Variants in VWF observed in about 807,000 individuals in gnomAD.
The protein encoded by VWF is von Willebrand factor.
VWF carries 176 observed loss-of-function variants against 308.6 expected under a neutral mutation model. The observed-to-expected ratio is 0.57, with a 90% CI of 0.50 to 0.65. VWF has a LOEUF of 0.65. Among genes scored for constraint, VWF ranks in the 30% least tolerant of loss-of-function variants. The pLI is 0.00. For missense variants in VWF, 3,146 were observed against 3,648.2 expected, an observed-to-expected ratio of 0.86 and a Z score of 3.55; for synonymous variants, 1,385 against 1,443.4, an observed-to-expected ratio of 0.96 and a Z score of 0.92.
rs78170656 is a variant in VWF, at chr12:6,068,357, C to T, written c.1156+2940G>A. On this transcript the variant is annotated intron_variant, in intron 10 of 51. Transcript: ENST00000261405. ...CCCACAACCCTCTACCTCCCAAAGC[C>T]TTCCCTGCAGAAATGCCCAACCCAC... Among the ~76,000 whole-genome samples the T allele has an allele frequency of 2.0e-3, 304 of 152,296 alleles. 3 individuals carry two copies. The East Asian group carries it at 0.032, about 16-fold the overall frequency.
rs531931988 is a variant in VWF at position 6,103,476 on chromosome 12, G to A, written c.532+6898C>T. Among the ~76,000 whole-genome samples, 49 of 122,250 alleles carry A rather than the reference G, an allele frequency of 4.0e-4. 3 individuals are homozygous for A. Among genetic ancestry groups the A allele is most frequent in the African/African-American group, 1.2e-3 (30 of 25,924 alleles). The allele number at this position is 122,250 out of a possible 152,430, so 80.2% of individuals were successfully genotyped here. A position where few individuals can be genotyped will look rare whatever the true frequency, so the allele number is the denominator to read the frequency against. ...TATATGTGTATATACACATATGTGT[G>A]TATATACATATATGTGTATACACAC... On this transcript the variant is annotated intron_variant, in intron 5 of 51. Transcript: ENST00000261405.
chr12:5,960,104 C>A (rs1943296459), intron 47 of VWF, among the ~76,000 whole-genome samples: 1 of 147,458 alleles, frequency 6.8e-6, no homozygotes, highest in African/African-American at 2.5e-5. Context: ...ACAAATTAGT[C>A]AAAATAAGAA....
chr12:5,956,688 G>C (rs923567429), intron 47 of VWF, among the ~76,000 whole-genome samples: 1 of 150,904 alleles, frequency 6.6e-6, no homozygotes, highest in Non-Finnish European at 1.5e-5. Context: ...TCAAAAATAG[G>C]AAAAAGCTTT....
rs919598258 is a variant in VWF at position 6,034,736 on chromosome 12, G to A, written c.2637C>T (p.Asp879=). 7.4e-6 allele frequency: 12 copies of A among 1,614,052 alleles called. No homozygotes were observed. Among genetic ancestry groups the A allele is most frequent in the East Asian group, 2.2e-5 (1 of 44,892 alleles). Reference sequence around the variant, plus strand: ...CCCCGGGGAACAGGTATTTGAGCCCGTCGAAGGTGAGGTAGTGGGCCATGC... The same window carrying A: ...CCCCGGGGAACAGGTATTTGAGCCCATCGAAGGTGAGGTAGTGGGCCATGC... ...TIGMAHYLTF[D]GLKYLFPGEC... is the part of the protein sequence containing the mutation. Residue 879 remains aspartate, a synonymous_variant, in exon 20 of 52, where the codon GAC becomes GAT. Transcript: ENST00000261405.
chr12:6,094,674 C>CTTTA (rs1317830950), intron 6 of VWF, among the ~76,000 whole-genome samples: 2 of 152,010 alleles, frequency 1.3e-5, no homozygotes, highest in African/African-American at 2.4e-5. Context: ...GATTAGTGCT[C>CTTTA]TGATAAAAGA....
At chr12:6,051,752 G>T (rs1478455514) in intron 16 of VWF, among the ~76,000 whole-genome samples, 1 of 152,118 alleles carries the variant, frequency 6.6e-6, no homozygotes, top group African/African-American at 2.4e-5. Flanking sequence ...TGGGTCTACA[G>T]GTATGCACCA....
Position 6,063,889 on chromosome 12 carries a change from G to A in VWF, c.1432+357C>T, listed in dbSNP as rs2136461591. 6.6e-6 allele frequency among the ~76,000 whole-genome samples: 1 copy of A among 152,050 alleles called. No individual in the cohort carries two copies. Among genetic ancestry groups the A allele is most frequent in the East Asian group, 1.9e-4 (1 of 5,174 alleles). ...CCCCGATCTCTCAGCATCAGCCTCT[G>A]CCCCTGTCCCACCCCAGAGCAAACC... is the stretch of plus-strand genomic sequence containing the variant. On this transcript the variant is annotated intron_variant, in intron 12 of 51. Coordinates refer to ENST00000261405, the MANE Select transcript of VWF (RefSeq NM_000552.5). This position sits in a 1 kb window ranked among gnomAD's most constrained non-coding sequence, Gnocchi z 4.9.
intron 8 of VWF, among the ~76,000 whole-genome samples, chr12:6,072,739 C>T (rs1944795273): frequency 6.6e-6 from 1 of 152,176 alleles, no homozygotes; most frequent in Non-Finnish European, 1.5e-5. Context: ...GCTTCCCTTA[C>T]ACATTAATGC....
At chr12:6,051,653 G>A (rs371482113) in intron 16 of VWF, among the ~76,000 whole-genome samples, 7 of 152,110 alleles carry the variant, frequency 4.6e-5, no homozygotes, top group South Asian at 2.1e-4. Context: ...TCTGTCGCCC[G>A]GGCTAGAATG....
chr12:5,985,029 C>A lies in VWF; in HGVS notation c.6976+16G>T. The stretch of plus-strand genomic sequence containing the variant: ...AGGGTTGGGCCCTGGAGACATCCCC[C>A]TGGTGGGACACATACCACACTCATA... On this transcript the variant is annotated intron_variant, in intron 40 of 51. Coordinates refer to ENST00000261405, the MANE Select transcript of VWF (RefSeq NM_000552.5). 1 of 1,613,986 alleles carries A rather than the reference C, an allele frequency of 6.2e-7. No homozygotes were observed. The highest frequency in any genetic ancestry group is 8.5e-7 in the Non-Finnish European group (1 of 1,179,836).
At chr12:6,016,688 G>C (rs772274770) in intron 29 of VWF, 32 bp from the exon 30 acceptor site, 1 of 1,614,228 alleles carries the variant, frequency 6.2e-7, no homozygotes, top group South Asian at 1.1e-5. Context: ...GGATTATTTT[G>C]AATCAAGTAG....
At chr12:5,996,512 G>A (rs1351476712) in intron 34 of VWF, among the ~76,000 whole-genome samples, 2 of 152,158 alleles carry the variant, frequency 1.3e-5, no homozygotes, top group Admixed American at 6.5e-5. Context: ...AATGTACAGT[G>A]TGAATAATCC....
chr12:5,954,665 C>A (rs936586947), intron 47 of VWF, among the ~76,000 whole-genome samples: 2 of 152,212 alleles, frequency 1.3e-5, no homozygotes, highest in African/African-American at 2.4e-5. Flanking sequence ...TGCAAATAAA[C>A]TCCTCTGAAC....
At chr12:6,055,549 T>G (rs1268304356) in intron 15 of VWF, among the ~76,000 whole-genome samples, 1 of 152,130 alleles carries the variant, frequency 6.6e-6, no homozygotes, top group East Asian at 1.9e-4. Flanking sequence ...CATTATGTGC[T>G]CGTCCCTTTC....
chr12:6,077,381 G>A (rs1432122809), intron 6 of VWF, among the ~76,000 whole-genome samples: 1 of 152,232 alleles, frequency 6.6e-6, no homozygotes, highest in Admixed American at 6.5e-5. Flanking sequence ...CTCAACTGCA[G>A]AAGTGCAGCA....
intron 20 of VWF, among the ~76,000 whole-genome samples, chr12:6,032,367 T>TGC (rs1565837018): frequency 1.6e-4 from 23 of 140,804 alleles, no homozygotes; most frequent in African/African-American, 5.6e-4. Context: ...AGGCCGGGCA[T>TGC]GGTGGCCCAC....
At chr12:6,115,113 T>C (rs921268268) in intron 3 of VWF, among the ~76,000 whole-genome samples, 4 of 152,164 alleles carry the variant, frequency 2.6e-5, no homozygotes, top group African/African-American at 9.7e-5. Context: ...CACAGCTCAC[T>C]TCACCCTCGA....
intron 2 of VWF, 113 bp from the exon 3 acceptor site, chr12:6,121,451 G>T: frequency 7.5e-7 from 1 of 1,340,672 alleles, no homozygotes; most frequent in Non-Finnish European, 1.0e-6. Flanking sequence ...AAACTGGGCT[G>T]TGGGGAGGTA....
At chr12:5,971,549 T>C (rs762042033) in intron 44 of VWF, 50 bp downstream of exon 44, 25 of 1,457,642 alleles carry the variant, frequency 1.7e-5, no homozygotes, top group Non-Finnish European at 2.4e-5. Context: ...CGCTGGTCCC[T>C]GGAGTGGCCC....
Sources: gnomAD v4.1 joint callset for allele counts (sites outside exome capture counted in the v4.1 genomes callset) on GRCh38, gnomAD v4.1.1 for gene constraint, Gnocchi (gnomAD v3.1) non-coding constraint, MANE v1.5 for transcripts, NCBI Gene and HGNC (gene_info 2026-07-23, HGNC 2026-07-21) for gene names.